TLE5: variants seen among roughly 807,000 people sequenced by gnomAD.
TLE5 encodes TLE family member 5.
TLE5 carries 7 observed loss-of-function variants against 25.8 expected under a neutral mutation model. The ratio of observed to expected loss-of-function variants is 0.27; its 90% confidence interval spans 0.15 to 0.51. The LOEUF is 0.51. TLE5 is among the 20% of genes least tolerant of loss of function. The pLI is 0.97. For synonymous variants in TLE5, 132 were observed against 110.5 expected (o/e 1.20, Z -1.22); for missense variants, 149 against 250.7 (o/e 0.59, Z 2.74).
rs756408479 is a variant in TLE5 at position 3,054,005 on chromosome 19, C to A, written c.408G>T (p.Gln136His). The A allele has an allele frequency of 6.2e-7, 1 of 1,605,320 alleles. No individual in the cohort carries two copies. The highest frequency in any genetic ancestry group is 1.3e-5 in the African/African-American group (1 of 74,910). Residue 136 changes from glutamine (Q) to histidine (H), a missense_variant, in exon 7 of 7, where the codon CAG becomes CAT. By Grantham distance (24) the Gln-to-His change is conservative. Coordinates refer to ENST00000327141, the MANE Select transcript of TLE5 (RefSeq NM_001130.6). ...QLQAHQLSQL[Q>H]ALALPLTPLP... Reference sequence around the variant, plus strand: ...GTGGGGTCAAGGGCAGGGCCAGGGCCTGCAGCTGGGACAGCTGGTGGGCTT... The same window carrying A: ...GTGGGGTCAAGGGCAGGGCCAGGGCATGCAGCTGGGACAGCTGGTGGGCTT...
At chr19:3,059,379 G>A (rs552713339) in intron 2 of TLE5, among the ~76,000 whole-genome samples, 46 of 152,242 alleles carry the variant, frequency 3.0e-4, no homozygotes, top group South Asian at 2.1e-3. Context: ...AAAATTAGCC[G>A]GGTGTGGTGG....
intron 4 of TLE5, 200 bp from the exon 5 acceptor site, chr19:3,055,926 G>C: frequency 1.8e-6 from 1 of 551,312 alleles, no homozygotes; most frequent in Non-Finnish European, 3.2e-6. Context: ...GCTGGACACC[G>C]GCTGTCGCCT....
chr19:3,061,179 G>A lies in TLE5; in HGVS notation c.106C>T (p.Leu36=), dbSNP rs1345038409. 6.2e-7 allele frequency: 1 copy of A among 1,613,450 alleles called. No individual in the cohort carries two copies. Among genetic ancestry groups the A allele is most frequent in the African/African-American group, 1.3e-5 (1 of 74,928 alleles). ...GCTCACCTGTGGTACTGAGCTTGCA[G>A]TAGCTGAAATTCGTCTTTGATGCGG... The part of the protein sequence containing the change: ...CDRIKDEFQL[L]QAQYHSLKLE... Residue 36 remains leucine (L), a synonymous_variant, in exon 2 of 7, where the codon CTG becomes TTG. Transcript: ENST00000327141.
chr19:3,055,560 G>A, intron 5 of TLE5, 104 bp downstream of exon 5: 1 of 1,042,558 alleles, frequency 9.6e-7, no homozygotes, highest in Non-Finnish European at 1.4e-6. Flanking sequence ...GGGGAGGCGT[G>A]TGCCCTGGGG....
In TLE5 at chr19:3,053,113, T is replaced by C. The variant is rs1232662461; in HGVS notation, c.*706A>G. 1.3e-5 allele frequency: 2 copies of C among 151,268 alleles called. No individual in the cohort carries two copies. The highest frequency in any genetic ancestry group is 1.9e-4 in the East Asian group (1 of 5,162). 9.4% of individuals were successfully genotyped at this position (151,268 alleles called of 1,614,324 possible). A position where few individuals can be genotyped will look rare whatever the true frequency, so the allele number is the denominator to read the frequency against. On this transcript the variant is annotated 3_prime_UTR_variant, in exon 7 of 7. Coordinates refer to ENST00000327141, the MANE Select transcript of TLE5 (RefSeq NM_001130.6). The stretch of plus-strand genomic sequence containing the variant: ...CCCTTTCTTAAAAGACAAGCTAGTA[T>C]ACTGGAAAAAGAAAAAAATAATAAT...
At chr19:3,056,824 C>G (rs1189477884) in intron 3 of TLE5, 4 of 236,482 alleles carry the variant, frequency 1.7e-5, no homozygotes, top group Non-Finnish European at 3.5e-5. Flanking sequence ...CAGATCTCAC[C>G]CTGCCCCTCC....
chr19:3,057,559 A>ATCC, intron 3 of TLE5, 120 bp downstream of exon 3: 1 of 954,276 alleles, frequency 1.0e-6, no homozygotes, highest in South Asian at 1.4e-5. Flanking sequence ...ACAGGCCCCG[A>ATCC]TCCTCGCGCT....
intron 3 of TLE5, among the ~76,000 whole-genome samples, chr19:3,057,255 T>A (rs1336867619): frequency 6.6e-6 from 1 of 152,202 alleles, no homozygotes; most frequent in Non-Finnish European, 1.5e-5. Flanking sequence ...TGGGTAGGGC[T>A]CAGACCCCCT....
Position 3,056,296 on chromosome 19 carries a change from G to C in TLE5, c.234+16C>G, listed in dbSNP as rs372540435. 2,187 of 1,515,304 alleles carry C rather than the reference G, an allele frequency of 1.4e-3. 34 individuals carry two copies. The African/African-American group carries it at 0.027, about 18-fold the overall frequency. 93.9% of individuals were successfully genotyped at this position (1,515,304 alleles called of 1,614,324 possible). ...GAAGGAGGAGGAGGAGGAGGAGGAG[G>C]AGGAGATGGGCGTACCTGTTTGTGC... On this transcript the variant is annotated intron_variant, in intron 4 of 6. Transcript: ENST00000327141.
chr19:3,054,088 C>CCCTT, intron 6 of TLE5, 32 bp downstream of exon 6: 1 of 832,992 alleles, frequency 1.2e-6, no homozygotes, highest in Admixed American at 2.3e-5. Flanking sequence ...CCCACCTGTC[C>CCCTT]CCCGCCCACC....
intron 2 of TLE5, among the ~76,000 whole-genome samples, chr19:3,059,079 T>C (rs184371285): frequency 2.0e-5 from 3 of 152,318 alleles, no homozygotes; most frequent in Non-Finnish European, 4.4e-5. Flanking sequence ...TAAATGCACA[T>C]GGATCTTAGG....
chr19:3,062,736 A>T, upstream of TLE5: 1 of 1,541,080 alleles, frequency 6.5e-7, no homozygotes, highest in Non-Finnish European at 8.7e-7. Flanking sequence ...CCCATCTGTC[A>T]AAGAAAAGGG....
Position 3,053,685 on chromosome 19 carries a change from C to T in TLE5, c.*134G>A, listed in dbSNP as rs574757901. The T allele has an allele frequency of 1.5e-4, 158 of 1,058,326 alleles. 1 individual carries two copies. Among genetic ancestry groups the T allele is most frequent in the African/African-American group, 9.8e-4 (61 of 62,370 alleles). The allele number at this position is 1,058,326 out of a possible 1,614,324, so 65.6% of individuals were successfully genotyped here. A position where few individuals can be genotyped will look rare whatever the true frequency, so the allele number is the denominator to read the frequency against. On this transcript the variant is annotated 3_prime_UTR_variant, in exon 7 of 7. Transcript: ENST00000327141. The stretch of plus-strand genomic sequence containing the variant: ...CTGCAAGCTGGGCTGGGGCCCCCGC[C>T]GGCGGCCACCATAAATACTATGGGA...
rs1337301053 is a variant in TLE5 at position 3,055,648 on chromosome 19, A to C, written c.297+16T>G. The C allele has an allele frequency of 1.9e-6, 3 of 1,579,512 alleles. No individual in the cohort carries two copies. In the South Asian group the frequency reaches 3.5e-5, roughly 18 times the overall value. On this transcript the variant is annotated intron_variant, in intron 5 of 6. Transcript: ENST00000327141. ...GGGGCCCCCTCACAACCCCTCCCCA[A>C]GGCCCTGGCTCTTACCTCTTGGGAG...
intron 5 of TLE5, chr19:3,054,506 C>CCTATGTG: frequency 2.0e-6 from 1 of 499,696 alleles, no homozygotes. Context: ...CCTGACCTAT[C>CCTATGTG]CTATGTGCAC....
chr19:3,059,724 C>T (rs1036837148), intron 2 of TLE5, among the ~76,000 whole-genome samples: 1 of 152,122 alleles, frequency 6.6e-6, no homozygotes, highest in Non-Finnish European at 1.5e-5. Context: ...AGAGGGCTTC[C>T]GGCTTAGCAG....
intron 1 of TLE5, among the ~76,000 whole-genome samples, chr19:3,061,917 G>A (rs1180084021): frequency 7.3e-6 from 1 of 137,030 alleles, no homozygotes; most frequent in Non-Finnish European, 1.6e-5. Context: ...CGGGAGCTGC[G>A]GCGGGGGGGC....
Position 3,054,075 on chromosome 19 carries a change from G to GGGCCCACCTGTCCCC in TLE5, c.372+30_373-36dup. Reference sequence around the variant, plus strand: ...GGGGGAGGGGAACATTAGCTGCCTGGGGCCCACCTGTCCCCCGCCCACCCG... The same window carrying GGGCCCACCTGTCCCC: ...GGGGGAGGGGAACATTAGCTGCCTGGGGCCCACCTGTCCCCGGCCCACCTGTCCCCCGCCCACCCG... On this transcript the variant is annotated intron_variant, in intron 6 of 6. Transcript: ENST00000327141. 1.9e-6 allele frequency: 3 copies of GGGCCCACCTGTCCCC among 1,561,654 alleles called. No individual in the cohort carries two copies. The South Asian group carries it at 3.5e-5, about 18-fold the overall frequency.
Position 3,062,351 on chromosome 19 carries a change from T to TGCGCCCCCTCCCC in TLE5, c.-164_-152dup. On this transcript the variant is annotated 5_prime_UTR_variant, in exon 1 of 7. Coordinates refer to ENST00000327141, the MANE Select transcript of TLE5 (RefSeq NM_001130.6). The stretch of plus-strand genomic sequence containing the variant: ...CCCGCGCCCGGCCTCGCCCGCTTCC[T>TGCGCCCCCTCCCC]GCGCCCCCTCCCCGCGCGCCCGGCC... 2 of 971,230 alleles carry TGCGCCCCCTCCCC rather than the reference T, an allele frequency of 2.1e-6. No homozygotes were observed. Among genetic ancestry groups the TGCGCCCCCTCCCC allele is most frequent in the Non-Finnish European group, 2.4e-6 (2 of 823,646 alleles). 60.2% of individuals were successfully genotyped at this position (971,230 alleles called of 1,614,324 possible).
Sources: gnomAD v4.1 joint callset for allele counts (sites outside exome capture counted in the v4.1 genomes callset) on GRCh38, gnomAD v4.1.1 for gene constraint, MANE v1.5 for transcripts, NCBI Gene and HGNC (gene_info 2026-07-23, HGNC 2026-07-21) for gene names.